The following MRRF variants were observed in gnomAD, a reference collection of about 807,000 sequenced individuals.
MRRF encodes the protein ribosome-recycling factor, mitochondrial.
A neutral mutation model predicts 25.1 loss-of-function variants in MRRF; 18 were observed. The ratio of observed to expected loss-of-function variants is 0.72; its 90% confidence interval spans 0.50 to 1.06. The LOEUF (loss-of-function observed/expected upper bound fraction) is 1.06, where lower values mean the gene tolerates loss of function less well. MRRF is among the 50% of genes least tolerant of loss of function. MRRF has a pLI of 0.00. For missense variants in MRRF, 323 were observed against 319.3 expected (o/e 1.01, Z -0.09); for synonymous variants, 113 against 112.1 (o/e 1.01, Z -0.05).
chr9:122,318,289 G>T (rs530108388), intron 6 of MRRF, among the ~76,000 whole-genome samples: 1 of 150,670 alleles, frequency 6.6e-6, no homozygotes, highest in Non-Finnish European at 1.5e-5. Flanking sequence ...AGGTCTTCCC[G>T]CTCAGGACTC....
chr9:122,318,539 G>A (rs542719904), intron 6 of MRRF, among the ~76,000 whole-genome samples: 23 of 152,336 alleles, frequency 1.5e-4, no homozygotes, highest in African/African-American at 5.5e-4. Context: ...GCAAGGCAGC[G>A]GGTGTTTTGA....
intron 5 of MRRF, among the ~76,000 whole-genome samples, chr9:122,299,764 A>G (rs1203701207): frequency 1.3e-5 from 2 of 152,130 alleles, no homozygotes; most frequent in African/African-American, 2.4e-5. Context: ...AAGTGAAGAA[A>G]GTATCTCAAA....
At chr9:122,318,030 G>A (rs1025844060) in intron 6 of MRRF, among the ~76,000 whole-genome samples, 1 of 152,042 alleles carries the variant, frequency 6.6e-6, no homozygotes, top group Non-Finnish European at 1.5e-5. Flanking sequence ...CCAGCTACTC[G>A]GGAGGCTGAG....
In MRRF at chr9:122,325,089, A is replaced by G. The variant is rs144876515; in HGVS notation, c.*2472A>G. On this transcript the variant is annotated 3_prime_UTR_variant, in exon 7 of 7. Coordinates refer to ENST00000344641, the MANE Select transcript of MRRF (RefSeq NM_138777.5). ...TAATAAACAGAGGAAATGATAAATT[A>G]TGTTGTAATTCCACTCCAAAGGCAT... 32 of 152,346 alleles carry G rather than the reference A, an allele frequency of 2.1e-4. No individual in the cohort carries two copies. In the East Asian group the frequency reaches 5.8e-3, roughly 28 times the overall value. 9.4% of individuals were successfully genotyped at this position (152,346 alleles called of 1,614,324 possible).
intron 5 of MRRF, among the ~76,000 whole-genome samples, chr9:122,297,771 C>T (rs1221643812): frequency 6.6e-6 from 1 of 152,134 alleles, no homozygotes; most frequent in African/African-American, 2.4e-5. Flanking sequence ...TTTGCAACAT[C>T]ACTGCATAGT....
chr9:122,281,574 G>C (rs1420910258), intron 3 of MRRF, among the ~76,000 whole-genome samples: 1 of 152,224 alleles, frequency 6.6e-6, no homozygotes, highest in Non-Finnish European at 1.5e-5. Flanking sequence ...GCTGACAGTA[G>C]AGCGTGCCAT....
rs1184358220 is a variant in MRRF at position 122,264,931 on chromosome 9, G to A, written c.-36G>A. 6.5e-6 allele frequency: 1 copy of A among 153,206 alleles called. No homozygotes were observed. The highest frequency in any genetic ancestry group is 1.5e-5 in the Non-Finnish European group (1 of 68,136). The allele number at this position is 153,206 out of a possible 1,614,324, so 9.5% of individuals were successfully genotyped here. On this transcript the variant is annotated 5_prime_UTR_variant, in exon 1 of 7. Coordinates refer to ENST00000344641, the MANE Select transcript of MRRF (RefSeq NM_138777.5). The stretch of plus-strand genomic sequence containing the variant: ...CGAGTCTTTCCTTAGTAACCTGGGC[G>A]ATAGCTGGTGAGTGTCCTTGACAGG...
At chr9:122,276,877 G>A (rs1349220787) in intron 2 of MRRF, among the ~76,000 whole-genome samples, 1 of 151,872 alleles carries the variant, frequency 6.6e-6, no homozygotes, top group African/African-American at 2.4e-5. Flanking sequence ...CTCCTTTTTT[G>A]TTGTTTTTTG....
chr9:122,322,697 C>T lies in MRRF; in HGVS notation c.*80C>T. On this transcript the variant is annotated 3_prime_UTR_variant, in exon 7 of 7. Coordinates refer to ENST00000344641, the MANE Select transcript of MRRF (RefSeq NM_138777.5). ...GTGGCACATTGGGACTTCTCTCCCT[C>T]CCCCATCTACACAGAAGACTGTCAC... 9 of 1,235,280 alleles carry T rather than the reference C, an allele frequency of 7.3e-6. No individual in the cohort carries two copies. In the South Asian group the frequency reaches 9.9e-5, roughly 14 times the overall value. The allele number at this position is 1,235,280 out of a possible 1,614,324, so 76.5% of individuals were successfully genotyped here.
chr9:122,304,388 G>A (rs1834697833), intron 5 of MRRF, among the ~76,000 whole-genome samples: 1 of 152,170 alleles, frequency 6.6e-6, no homozygotes, highest in South Asian at 2.1e-4. Flanking sequence ...CTTTTTAGGA[G>A]TGCATCTTGC....
rs115318245 is a variant in MRRF at position 122,291,067 on chromosome 9, C to T, written c.460-682C>T. Among the ~76,000 whole-genome samples, 789 of 152,282 alleles carry T rather than the reference C, an allele frequency of 5.2e-3. 4 individuals carry two copies. Among genetic ancestry groups the T allele is most frequent in the African/African-American group, 0.018 (739 of 41,558 alleles). Reference sequence around the variant, plus strand: ...ATGCATCGCTCATGTTATTTCACTACCTCTCTGAGGTTTAGGGACCACATG... The same window carrying T: ...ATGCATCGCTCATGTTATTTCACTATCTCTCTGAGGTTTAGGGACCACATG... On this transcript the variant is annotated intron_variant, in intron 4 of 6. Transcript: ENST00000344641.
rs553602944 is a variant in MRRF at position 122,306,563 on chromosome 9, ACCT to A, written c.552-6663_552-6661del. Among the ~76,000 whole-genome samples, 12 of 152,300 alleles carry A rather than the reference ACCT, an allele frequency of 7.9e-5. No individual in the cohort carries two copies. In the South Asian group the frequency reaches 2.5e-3, roughly 32 times the overall value. On this transcript the variant is annotated intron_variant, in intron 5 of 6. Coordinates refer to ENST00000344641, the MANE Select transcript of MRRF (RefSeq NM_138777.5). The stretch of plus-strand genomic sequence containing the variant: ...CAGAGCCCGTTCTCTTAAGTGCTTC[ACCT>A]GACAACCTTGCGTTCAGAGAGGAAA...
chr9:122,274,533 G>GGTGTGTGTTT (rs1554817598), intron 2 of MRRF, among the ~76,000 whole-genome samples: 1 of 140,562 alleles, frequency 7.1e-6, no homozygotes, highest in African/African-American at 2.7e-5. Flanking sequence ...ATATGAATCT[G>GGTGTGTGTTT]GTGTGTGTGT....
rs1453547122 is a variant in MRRF, at chr9:122,330,175, A to C, written c.*7558A>C. The C allele has an allele frequency of 1.3e-5, 2 of 152,362 alleles. No individual in the cohort carries two copies. Among genetic ancestry groups the C allele is most frequent in the African/African-American group, 4.8e-5 (2 of 41,440 alleles). 9.4% of individuals were successfully genotyped at this position (152,362 alleles called of 1,614,324 possible). ...CACTTAAGGGAGATTTACCTCCACT[A>C]CTGGGAGTGTTAGTGTCTGTGACAA... On this transcript the variant is annotated 3_prime_UTR_variant, in exon 7 of 7. Coordinates refer to ENST00000344641, the MANE Select transcript of MRRF (RefSeq NM_138777.5). This position sits in a 1 kb window ranked among gnomAD's most constrained non-coding sequence, Gnocchi z 4.2.
At chr9:122,292,400 C>T (rs1269155558) in intron 5 of MRRF, among the ~76,000 whole-genome samples, 2 of 151,936 alleles carry the variant, frequency 1.3e-5, no homozygotes, top group African/African-American at 4.8e-5. Flanking sequence ...TTAGTCCTTG[C>T]TAGTCGAAGA....
Position 122,305,410 on chromosome 9 carries a change from CAAAAAAA to C in MRRF, c.552-7803_552-7797del, listed in dbSNP as rs371802454. On this transcript the variant is annotated intron_variant, in intron 5 of 6. Coordinates refer to ENST00000344641, the MANE Select transcript of MRRF (RefSeq NM_138777.5). The stretch of plus-strand genomic sequence containing the variant: ...CTGGGAGACAGACTGAGACTCATCT[CAAAAAAA>C]AAAAAAAAAAAAATTGTAACGATGG... 6.1e-5 allele frequency among the ~76,000 whole-genome samples: 4 copies of C among 65,762 alleles called. No individual in the cohort carries two copies. The South Asian group carries it at 2.0e-3, about 32-fold the overall frequency. The allele number at this position is 65,762 out of a possible 152,430, so 43.1% of individuals were successfully genotyped here.
At chr9:122,285,855 A>T (rs1164831191) in intron 4 of MRRF, 2 of 1,285,288 alleles carry the variant, frequency 1.6e-6, no homozygotes, top group Non-Finnish European at 2.0e-6. Flanking sequence ...CCTCTGCATT[A>T]GTATTTGGAG....
intron 5 of MRRF, among the ~76,000 whole-genome samples, chr9:122,302,018 A>G (rs562172988): frequency 6.6e-6 from 1 of 151,640 alleles, no homozygotes; most frequent in East Asian, 2.0e-4. Context: ...TGCTGGGATT[A>G]CAGGCATAAG....
At chr9:122,272,277 G>C (rs887674938) in intron 2 of MRRF, among the ~76,000 whole-genome samples, 1 of 152,178 alleles carries the variant, frequency 6.6e-6, no homozygotes, top group African/African-American at 2.4e-5. Flanking sequence ...CTACAGTACT[G>C]CAGTCTTCTA....
Sources: allele counts gnomAD v4.1 joint callset (sites outside exome capture counted in the v4.1 genomes callset), GRCh38; gene constraint gnomAD v4.1.1; non-coding constraint Gnocchi (gnomAD v3.1); transcripts MANE v1.5; gene names NCBI Gene and HGNC (gene_info 2026-07-23, HGNC 2026-07-21).